The following CFAP54 variants were observed in gnomAD, a reference collection of about 807,000 sequenced individuals.
The protein encoded by CFAP54 is cilia and flagella associated protein 54, also known as cilia- and flagella-associated protein 54.
CFAP54 carries 290 observed loss-of-function variants against 370.4 expected under a neutral mutation model. That is an observed-to-expected ratio of 0.78 (90% CI 0.71 to 0.86). CFAP54 has a LOEUF of 0.86. CFAP54 is among the 40% of genes least tolerant of loss of function. The probability of loss-of-function intolerance (pLI) is 0.00; values close to 1 mark genes in which losing one functional copy is unlikely to be tolerated. For synonymous variants in CFAP54, 1,206 were observed against 1,236.5 expected (o/e 0.98, Z 0.52); for missense variants, 3,399 against 3,528.7 (o/e 0.96, Z 0.93).
chr12:96,835,521 A>G (rs888233115), intron 66 of CFAP54, among the ~76,000 whole-genome samples: 1 of 151,862 alleles, frequency 6.6e-6, no homozygotes, highest in Non-Finnish European at 1.5e-5. Context: ...CTGCCCAGGA[A>G]CCTGTCTGCC....
chr12:96,585,048 T>G (rs1956064388), intron 22 of CFAP54, among the ~76,000 whole-genome samples: 1 of 152,168 alleles, frequency 6.6e-6, no homozygotes, highest in Admixed American at 6.5e-5. Context: ...TCTTTTTTTT[T>G]TTTTCTTGAA....
intron 45 of CFAP54, among the ~76,000 whole-genome samples, chr12:96,696,068 C>T (rs1957437267): frequency 6.6e-6 from 1 of 152,114 alleles, no homozygotes; most frequent in South Asian, 2.1e-4. Context: ...AAGATTTAGA[C>T]TTGAAAAGAG....
intron 66 of CFAP54, among the ~76,000 whole-genome samples, chr12:96,833,092 G>A (rs1959175747): frequency 6.6e-6 from 1 of 152,144 alleles, no homozygotes; most frequent in Non-Finnish European, 1.5e-5. Context: ...ACTGAGAATA[G>A]CAGAAAGATG....
At chr12:96,871,695 G>T (rs1960172937) in intron 67 of CFAP54, among the ~76,000 whole-genome samples, 1 of 152,020 alleles carries the variant, frequency 6.6e-6, no homozygotes, top group South Asian at 2.1e-4. Context: ...GGGATATCAG[G>T]ATACATATGG....
chr12:96,627,039 T>C (rs931371529), intron 30 of CFAP54, 100 bp downstream of exon 30: 1 of 797,192 alleles, frequency 1.3e-6, no homozygotes, highest in African/African-American at 1.8e-5. Flanking sequence ...GAGAGTGGAG[T>C]ATATACAGTT....
At chr12:96,842,436 C>G in intron 66 of CFAP54, among the ~76,000 whole-genome samples, 1 of 152,134 alleles carries the variant, frequency 6.6e-6, no homozygotes, top group East Asian at 1.9e-4. Context: ...ATTCCACCCC[C>G]TCCTTAACTC....
chr12:96,533,005 T>C (rs1955456949), intron 9 of CFAP54, among the ~76,000 whole-genome samples: 2 of 152,162 alleles, frequency 1.3e-5, no homozygotes, highest in African/African-American at 4.8e-5. Context: ...GTTTTCATTG[T>C]TCCTAAGTAT....
chr12:96,545,795 G>A (rs1190208822), intron 14 of CFAP54, among the ~76,000 whole-genome samples: 2 of 152,154 alleles, frequency 1.3e-5, no homozygotes, highest in Admixed American at 1.3e-4. Context: ...CATCAATTAT[G>A]CATATCTAAT....
At chr12:96,525,592 C>G (rs1955370857) in intron 8 of CFAP54, among the ~76,000 whole-genome samples, 1 of 151,914 alleles carries the variant, frequency 6.6e-6, no homozygotes, top group Admixed American at 6.6e-5. Flanking sequence ...TATGCTGTTT[C>G]AATATGTATT....
At chr12:96,575,938 T>C (rs1955970864) in intron 19 of CFAP54, among the ~76,000 whole-genome samples, 1 of 152,102 alleles carries the variant, frequency 6.6e-6, no homozygotes, top group Non-Finnish European at 1.5e-5. Context: ...TTGTAACCCA[T>C]TTACATGCAT....
intron 56 of CFAP54, among the ~76,000 whole-genome samples, 156 bp downstream of exon 56, chr12:96,754,054 A>G (rs1958222428): frequency 6.6e-6 from 1 of 152,240 alleles, no homozygotes. Flanking sequence ...CACCAAATCC[A>G]GTCTTAGGTA....
At chr12:96,573,810 G>A (rs1955949225) in intron 19 of CFAP54, among the ~76,000 whole-genome samples, 1 of 152,154 alleles carries the variant, frequency 6.6e-6, no homozygotes, top group Non-Finnish European at 1.5e-5. Context: ...CGGAAGGACT[G>A]GTATGCAGGC....
At chr12:96,613,827 T>C (rs1233003265) in intron 26 of CFAP54, among the ~76,000 whole-genome samples, 3 of 152,182 alleles carry the variant, frequency 2.0e-5, no homozygotes, top group African/African-American at 7.2e-5. Context: ...AGGAAGAAGA[T>C]GAATCCATGA....
At chr12:96,673,232 A>G (rs866575024) in intron 39 of CFAP54, among the ~76,000 whole-genome samples, 1 of 152,210 alleles carries the variant, frequency 6.6e-6, no homozygotes, top group African/African-American at 2.4e-5. Flanking sequence ...AAAATTAAAC[A>G]TTACTAGTAA....
At position 96,875,494 on chromosome 12, in the gene CFAP54, C is replaced by G. The variant is rs1384740058; in HGVS notation, c.*391C>G. 6.6e-6 allele frequency: 1 copy of G among 150,716 alleles called. No individual in the cohort carries two copies. Among genetic ancestry groups the G allele is most frequent in the Non-Finnish European group, 1.5e-5 (1 of 67,988 alleles). The allele number at this position is 150,716 out of a possible 1,614,324, so 9.3% of individuals were successfully genotyped here. On this transcript the variant is annotated 3_prime_UTR_variant, in exon 68 of 68. Coordinates refer to ENST00000524981, the MANE Select transcript of CFAP54 (RefSeq NM_001306084.2). ...CAAGTTGCTTTGGCTTCCCCACTCT[C>G]TCCTGCGTTTTGAAAAGAATTAATT...
chr12:96,607,459 A>G (rs1956313475), intron 26 of CFAP54, among the ~76,000 whole-genome samples: 1 of 152,224 alleles, frequency 6.6e-6, no homozygotes, highest in African/African-American at 2.4e-5. Flanking sequence ...AAAATCAAAT[A>G]GATGAAAATT....
chr12:96,869,835 T>C lies in CFAP54; in HGVS notation c.*15-5283T>C, dbSNP rs952044091. On this transcript the variant is annotated intron_variant, in intron 67 of 67. Coordinates refer to ENST00000524981, the MANE Select transcript of CFAP54 (RefSeq NM_001306084.2). ...CTGTAATCCCAGCTACTTGGGAGGC[T>C]GAGGCAGGAGAATCGCTTGAACCTG... is the stretch of plus-strand genomic sequence containing the variant. 2.0e-5 allele frequency among the ~76,000 whole-genome samples: 3 copies of C among 146,490 alleles called. No homozygotes were observed. The Admixed American group carries it at 2.1e-4, about 10-fold the overall frequency.
chr12:96,743,884 C>T lies in CFAP54; in HGVS notation c.7531C>T (p.Arg2511Trp), dbSNP rs552288200. ...SKTGKLNLLTRAHSILTEQML... is the reference protein window; with the variant it reads ...SKTGKLNLLTWAHSILTEQML... ...AACAGGAAAATTAAATTTGTTAACTCGGGCTCATAGCATTCTAACTGAACA... is the reference window on the plus strand; with the variant it reads ...AACAGGAAAATTAAATTTGTTAACTTGGGCTCATAGCATTCTAACTGAACA... The change falls in exon 54 of 68, where the codon CGG (arginine) becomes TGG (tryptophan). Residue 2511 changes from arginine to tryptophan, a missense_variant. Transcript: ENST00000524981. 41 of 1,613,384 alleles carry T rather than the reference C, an allele frequency of 2.5e-5. 1 individual carries two copies. The East Asian group carries it at 4.7e-4, about 18-fold the overall frequency.
chr12:96,764,239 C>A lies in CFAP54; in HGVS notation c.8129C>A (p.Ala2710Asp). The change falls in exon 59 of 68, where the codon GCT (alanine) becomes GAT (aspartate). Residue 2710 changes from alanine (A) to aspartate (D), a missense_variant. Ala to Asp is a moderately radical substitution (Grantham distance 126). Coordinates refer to ENST00000524981, the MANE Select transcript of CFAP54 (RefSeq NM_001306084.2). ...YSSLAWIAIRAAAQVSEAVLA... is the reference protein window; with the variant it reads ...YSSLAWIAIRDAAQVSEAVLA... ...TCATTAGCCTGGATTGCAATAAGAGCTGCTGCACAGGTTGGTGTGATTTTT... is the reference window on the plus strand; with the variant it reads ...TCATTAGCCTGGATTGCAATAAGAGATGCTGCACAGGTTGGTGTGATTTTT... The A allele has an allele frequency of 6.2e-7, 1 of 1,610,740 alleles. No homozygotes were observed. Among genetic ancestry groups the A allele is most frequent in the Non-Finnish European group, 8.5e-7 (1 of 1,177,886 alleles).
Sources: gnomAD v4.1 joint callset for allele counts (sites outside exome capture counted in the v4.1 genomes callset) on GRCh38, gnomAD v4.1.1 for gene constraint, MANE v1.5 for transcripts, NCBI Gene and HGNC (gene_info 2026-07-23, HGNC 2026-07-21) for gene names.